Variants in PCDHGA9 observed in about 807,000 individuals in gnomAD.
PCDHGA9 encodes the protein protocadherin gamma-A9.
In PCDHGA9, 37 loss-of-function variants were observed where a neutral mutation model predicts 62.5. That is an observed-to-expected ratio of 0.59 (90% CI 0.46 to 0.78). The LOEUF (loss-of-function observed/expected upper bound fraction) is 0.78. Among genes scored for constraint, PCDHGA9 ranks in the 30% least tolerant of loss-of-function variants. The pLI, the probability that PCDHGA9 is intolerant of heterozygous loss-of-function variation, is 0.00. For missense variants in PCDHGA9, 1,138 were observed against 1,166.2 expected, an observed-to-expected ratio of 0.98 and a Z score of 0.35; for synonymous variants, 459 against 484.6, an observed-to-expected ratio of 0.95 and a Z score of 0.69.
chr5:141,415,249 G>A (rs756443082), intron 1 of PCDHGA9: 1 of 1,614,204 alleles, frequency 6.2e-7, no homozygotes, highest in South Asian at 1.1e-5. Context: ...TGAAACCTCA[G>A]ACCTCACTCT....
At chr5:141,408,879 C>A in intron 1 of PCDHGA9, 1 of 1,613,504 alleles carries the variant, frequency 6.2e-7, no homozygotes. Context: ...AGTGCCACCG[C>A]TCACATAGAA....
Position 141,490,320 on chromosome 5 carries a change from A to G in PCDHGA9, c.2425-4487A>G. The G allele has an allele frequency of 6.2e-7, 1 of 1,614,228 alleles. No individual in the cohort carries two copies. The highest frequency in any genetic ancestry group is 1.1e-5 in the South Asian group (1 of 91,088). ...TGGCCTCTTTGGCCAACCCTGTCCT[A>G]GAGAGCACACCAGTGGGCACAGTAG... On this transcript the variant is annotated intron_variant, in intron 1 of 3. Transcript: ENST00000573521. The surrounding 1 kb of genome is among the most constrained non-coding windows in gnomAD (Gnocchi z 5.4).
At position 141,413,553 on chromosome 5, in the gene PCDHGA9, A is replaced by G; in HGVS notation, c.2424+8177A>G. On this transcript the variant is annotated intron_variant, in intron 1 of 3. Coordinates refer to ENST00000573521, the MANE Select transcript of PCDHGA9 (RefSeq NM_018921.3). ...TGAAACTTTTTGGGATAGAAATAGA[A>G]GTAACTGATATCAATGACAATGCTC... The G allele has an allele frequency of 6.2e-7, 1 of 1,613,938 alleles. No individual in the cohort carries two copies. Among genetic ancestry groups the G allele is most frequent in the Non-Finnish European group, 8.5e-7 (1 of 1,179,902 alleles).
At chr5:141,504,634 AG>A (rs2099839600) in intron 2 of PCDHGA9, among the ~76,000 whole-genome samples, 1 of 115,756 alleles carries the variant, frequency 8.6e-6, no homozygotes, top group Non-Finnish European at 1.7e-5. Context: ...ACCTTGGAAA[AG>A]GTTTGATGAT....
Position 141,448,073 on chromosome 5 carries a change from C to T in PCDHGA9, c.2424+42697C>T, listed in dbSNP as rs1025112556. ...TGCTCTCCAGCCTGGGCAACATGAA[C>T]GAAATGCCATCTTAAAAAAAAAAAA... On this transcript the variant is annotated intron_variant, in intron 1 of 3. Coordinates refer to ENST00000573521, the MANE Select transcript of PCDHGA9 (RefSeq NM_018921.3). 3.3e-5 allele frequency among the ~76,000 whole-genome samples: 5 copies of T among 151,432 alleles called. No individual in the cohort carries two copies. In the East Asian group the frequency reaches 5.8e-4, roughly 18 times the overall value.
In PCDHGA9 at chr5:141,486,708, C is replaced by A; in HGVS notation, c.2425-8099C>A. On this transcript the variant is annotated intron_variant, in intron 1 of 3. Transcript: ENST00000573521. The surrounding 1 kb of genome is among the most constrained non-coding windows in gnomAD (Gnocchi z 5.0). ...GCTTCCTCTTTCATCTCTCTGAACC[C>A]CCAGACAGGAGCTGTTCATGCTACT... is the stretch of plus-strand genomic sequence containing the variant. 6.2e-7 allele frequency: 1 copy of A among 1,614,180 alleles called. No individual in the cohort carries two copies. Among genetic ancestry groups the A allele is most frequent in the South Asian group, 1.1e-5 (1 of 91,084 alleles).
chr5:141,422,331 T>C (rs768333038), intron 1 of PCDHGA9: 1 of 1,548,508 alleles, frequency 6.5e-7, no homozygotes, highest in South Asian at 1.3e-5. Context: ...CAGTGATTGC[T>C]CTTCTAAATG....
intron 1 of PCDHGA9, among the ~76,000 whole-genome samples, chr5:141,484,720 G>A (rs1458277947): frequency 2.6e-5 from 4 of 151,988 alleles, no homozygotes; most frequent in African/African-American, 7.2e-5. Flanking sequence ...GAAAAGGGGC[G>A]GGGTCAGTCG....
chr5:141,505,592 A>T, intron 3 of PCDHGA9, 111 bp downstream of exon 3: 2 of 1,567,266 alleles, frequency 1.3e-6, no homozygotes, highest in Admixed American at 3.6e-5. Flanking sequence ...GTTTCTCCAG[A>T]TCTTTCGGCA....
In PCDHGA9 at chr5:141,477,097, G is replaced by A; in HGVS notation, c.2425-17710G>A. ...AGATTTACATCCAGGCCAAAGACAAGGGCGCCAATCCCGAAGGAGCACATT... is the reference window on the plus strand; with the variant it reads ...AGATTTACATCCAGGCCAAAGACAAAGGCGCCAATCCCGAAGGAGCACATT... On this transcript the variant is annotated intron_variant, in intron 1 of 3. Transcript: ENST00000573521. This position sits in a 1 kb window ranked among gnomAD's most constrained non-coding sequence, Gnocchi z 4.9. 1 of 1,614,242 alleles carries A rather than the reference G, an allele frequency of 6.2e-7. No homozygotes were observed. Among genetic ancestry groups the A allele is most frequent in the South Asian group, 1.1e-5 (1 of 91,088 alleles).
Position 141,486,904 on chromosome 5 carries a change from C to G in PCDHGA9, c.2425-7903C>G. On this transcript the variant is annotated intron_variant, in intron 1 of 3. Transcript: ENST00000573521. This position sits in a 1 kb window ranked among gnomAD's most constrained non-coding sequence, Gnocchi z 5.0. The stretch of plus-strand genomic sequence containing the variant: ...GGGCCCGGCCTGGTTCCTTATGTCC[C>G]CAAGCACTGCCTCCATCAGTTGGTG... 6.2e-7 allele frequency: 1 copy of G among 1,614,226 alleles called. No individual in the cohort carries two copies. The highest frequency in any genetic ancestry group is 1.1e-5 in the South Asian group (1 of 91,080).
chr5:141,476,837 G>A lies in PCDHGA9; in HGVS notation c.2425-17970G>A, dbSNP rs1160244271. 4 of 1,613,534 alleles carry A rather than the reference G, an allele frequency of 2.5e-6. No individual in the cohort carries two copies. The highest frequency in any genetic ancestry group is 3.4e-6 in the Non-Finnish European group (4 of 1,180,054). On this transcript the variant is annotated intron_variant, in intron 1 of 3. Coordinates refer to ENST00000573521, the MANE Select transcript of PCDHGA9 (RefSeq NM_018921.3). The surrounding 1 kb of genome is among the most constrained non-coding windows in gnomAD (Gnocchi z 7.6). Reference sequence around the variant, plus strand: ...CAAGGTGCTGGACGCGAATGACAATGCGCCTGTCTTCAACCAGTCCTTGTA... The same window carrying A: ...CAAGGTGCTGGACGCGAATGACAATACGCCTGTCTTCAACCAGTCCTTGTA...
chr5:141,414,667 G>C, intron 1 of PCDHGA9: 1 of 1,614,002 alleles, frequency 6.2e-7, no homozygotes, highest in Non-Finnish European at 8.5e-7. Flanking sequence ...CCTGGCTGAA[G>C]ACACCATCCA....
At chr5:141,417,256 C>G (rs985322130) in intron 1 of PCDHGA9, 1 of 152,096 alleles carries the variant, frequency 6.6e-6, no homozygotes, top group Non-Finnish European at 1.5e-5. Flanking sequence ...CTTCCAGCTT[C>G]ATAGATAATT....
chr5:141,460,981 GTGTATATATA>G (rs1332002052), intron 1 of PCDHGA9, among the ~76,000 whole-genome samples: 6 of 121,884 alleles, frequency 4.9e-5, no homozygotes, highest in Non-Finnish European at 1.0e-4. Flanking sequence ...GTGTGTGTGT[GTGTATATATA>G]TATATGTGTA....
At position 141,477,498 on chromosome 5, in the gene PCDHGA9, C is replaced by T. The variant is rs754212608; in HGVS notation, c.2425-17309C>T. ...AACCCTCCACAATCTTCTCAATCTT[C>T]CTACGACGTTTACATTGAAGAAAAC... On this transcript the variant is annotated intron_variant, in intron 1 of 3. Coordinates refer to ENST00000573521, the MANE Select transcript of PCDHGA9 (RefSeq NM_018921.3). The surrounding 1 kb of genome is among the most constrained non-coding windows in gnomAD (Gnocchi z 4.9). 3.7e-6 allele frequency: 6 copies of T among 1,614,038 alleles called. No individual in the cohort carries two copies. The highest frequency in any genetic ancestry group is 5.1e-6 in the Non-Finnish European group (6 of 1,180,038).
chr5:141,412,592 C>T (rs1472116158), intron 1 of PCDHGA9: 1 of 152,048 alleles, frequency 6.6e-6, no homozygotes, highest in African/African-American at 2.4e-5. Context: ...TGAATGTATA[C>T]TAAATAAAAT....
Position 141,491,944 on chromosome 5 carries a change from C to T in PCDHGA9, c.2425-2863C>T, listed in dbSNP as rs1245968796. ...CGAGGGGAGGTGGGACCGACCCCCACCCCTACACTCAAAAAAGGCCGGGGC... is the reference window on the plus strand; with the variant it reads ...CGAGGGGAGGTGGGACCGACCCCCATCCCTACACTCAAAAAAGGCCGGGGC... On this transcript the variant is annotated intron_variant, in intron 1 of 3. Transcript: ENST00000573521. This position sits in a 1 kb window ranked among gnomAD's most constrained non-coding sequence, Gnocchi z 6.9. The T allele has an allele frequency of 1.8e-6, 2 of 1,120,156 alleles. No individual in the cohort carries two copies. Among genetic ancestry groups the T allele is most frequent in the Non-Finnish European group, 2.4e-6 (2 of 822,072 alleles). The allele number at this position is 1,120,156 out of a possible 1,614,324, so 69.4% of individuals were successfully genotyped here. A position where few individuals can be genotyped will look rare whatever the true frequency, so the allele number is the denominator to read the frequency against.
chr5:141,404,812 GC>G lies in PCDHGA9; in HGVS notation c.1861del (p.Leu621CysfsTer13). 1 of 1,611,168 alleles carries G rather than the reference GC, an allele frequency of 6.2e-7. No homozygotes were observed. The highest frequency in any genetic ancestry group is 1.4e-5 in the African/African-American group (1 of 73,980). ...ASEPGLFSVG[L>X]HTGEVRTARA... ...GTGAGCCAGGGCTCTTCTCGGTGGG[GC>G]TGCACACAGGTGAAGTGCGCACAGC... On this transcript the variant is annotated frameshift_variant, in exon 1 of 4. Coordinates refer to ENST00000573521, the MANE Select transcript of PCDHGA9 (RefSeq NM_018921.3). LOFTEE classifies it high-confidence loss of function.
Sources: allele counts gnomAD v4.1 joint callset (sites outside exome capture counted in the v4.1 genomes callset), GRCh38; gene constraint gnomAD v4.1.1; non-coding constraint Gnocchi (gnomAD v3.1); transcripts MANE v1.5; gene names NCBI Gene and HGNC (gene_info 2026-07-23, HGNC 2026-07-21).